Variants in PUM2 observed in about 807,000 individuals in gnomAD.
The protein encoded by PUM2 is pumilio homolog 2.
A neutral mutation model predicts 124.5 loss-of-function variants in PUM2; 57 were observed. The observed-to-expected ratio is 0.46, with a 90% confidence interval of 0.37 to 0.57. PUM2 has a LOEUF of 0.57. PUM2 is among the 20% of genes least tolerant of loss of function. PUM2 has a pLI of 0.00. For synonymous variants in PUM2, 460 were observed against 446.1 expected (o/e 1.03, Z -0.39); for missense variants, 1,065 against 1,290.6 (o/e 0.83, Z 2.68).
chr2:20,309,265 T>A (rs1010494241), intron 5 of PUM2, among the ~76,000 whole-genome samples: 1 of 152,116 alleles, frequency 6.6e-6, no homozygotes, highest in Non-Finnish European at 1.5e-5. Flanking sequence ...TGATTCCAAC[T>A]AATAAGAACA....
rs1326374511 is a variant in PUM2 at position 20,299,561 on chromosome 2, G to A, written c.884-1883C>T. On this transcript the variant is annotated intron_variant, in intron 7 of 20. Transcript: ENST00000361078. ...CACATGCCTGTAATCCCAGCTACTC[G>A]GGAGGCTGAGGCATGAGAATTGCTT... 2.6e-5 allele frequency among the ~76,000 whole-genome samples: 4 copies of A among 151,994 alleles called. 1 individual carries two copies. Among genetic ancestry groups the A allele is most frequent in the South Asian group, 4.2e-4 (2 of 4,812 alleles).
At chr2:20,350,316 G>C (rs1689070593) in intron 1 of PUM2, 2 of 313,070 alleles carry the variant, frequency 6.4e-6, no homozygotes, top group South Asian at 2.5e-4. Flanking sequence ...GGAGAACCGG[G>C]TCGGCGCCCC....
Position 20,256,053 on chromosome 2 carries a change from T to C in PUM2, c.2602A>G (p.Ile868Val). 1 of 1,574,722 alleles carries C rather than the reference T, an allele frequency of 6.4e-7. No individual in the cohort carries two copies. The highest frequency in any genetic ancestry group is 8.6e-7 in the Non-Finnish European group (1 of 1,166,542). Residue 868 changes from isoleucine to valine, a missense_variant, in exon 17 of 21, where the codon ATT (isoleucine) becomes GTT (valine). By Grantham distance (29) the Ile-to-Val change is conservative. Transcript: ENST00000361078. Reference protein sequence around the residue: ...CVQPQSLQFIIDAFKGQVFVL... With the variant: ...CVQPQSLQFIVDAFKGQVFVL... ...CATACTTGTCCCTTGAAAGCATCAA[T>C]GATGAACTGTAGTGACTGTGGCTGA...
intron 3 of PUM2, among the ~76,000 whole-genome samples, chr2:20,314,013 G>A (rs1412431881): frequency 6.6e-6 from 1 of 151,688 alleles, no homozygotes; most frequent in Non-Finnish European, 1.5e-5. Context: ...CATGGTGACG[G>A]GCACTTATAG....
Position 20,308,411 on chromosome 2 carries a change from C to A in PUM2, c.692G>T (p.Gly231Val), listed in dbSNP as rs768633137. The stretch of plus-strand genomic sequence containing the variant: ...ATAGTCAAACTGTAAGGATTCCAGA[C>A]CAACTTGTTCCATGGCATCCAGATT... ...TQNLDAMEQV[G>V]LESLQFDYPG... The change falls in exon 6 of 21, where the codon GGT (glycine) becomes GTT (valine). Residue 231 changes from glycine (G) to valine (V), a missense_variant. Physicochemically the swap from Gly to Val is moderately radical, Grantham distance 109. This residue lies in a region of PUM2 where 968 missense variants were observed against 1,159.8 expected (regional missense o/e 0.83). Coordinates refer to ENST00000361078, the MANE Select transcript of PUM2 (RefSeq NM_015317.5). 1 of 1,614,092 alleles carries A rather than the reference C, an allele frequency of 6.2e-7. No homozygotes were observed. Among genetic ancestry groups the A allele is most frequent in the Non-Finnish European group, 8.5e-7 (1 of 1,180,004 alleles).
chr2:20,323,022 G>A (rs1331242356), intron 2 of PUM2, among the ~76,000 whole-genome samples: 1 of 152,136 alleles, frequency 6.6e-6, no homozygotes, highest in African/African-American at 2.4e-5. Flanking sequence ...AAGTAGTACT[G>A]TACAGAAGTA....
At position 20,283,180 on chromosome 2, in the gene PUM2, T is replaced by A; in HGVS notation, c.1487A>T (p.Asn496Ile). Residue 496 changes from asparagine to isoleucine, a missense_variant, in exon 12 of 21, where the codon AAT (asparagine) becomes ATT (isoleucine). By Grantham distance (149) the Asn-to-Ile change is moderately radical (BLOSUM62 -3). Coordinates refer to ENST00000361078, the MANE Select transcript of PUM2 (RefSeq NM_015317.5). ...GTASSLTGST[N>I]GLFRPIGTQP... is the part of the protein sequence containing the mutation. ...AGTGCCAATTGGCCGAAACAGACCATTTGTGCTGCCTGTAAGGCTACTTGC... is the reference window on the plus strand; with the variant it reads ...AGTGCCAATTGGCCGAAACAGACCAATTGTGCTGCCTGTAAGGCTACTTGC... The A allele has an allele frequency of 6.2e-7, 1 of 1,614,120 alleles. No individual in the cohort carries two copies. Among genetic ancestry groups the A allele is most frequent in the East Asian group, 2.2e-5 (1 of 44,888 alleles).
At chr2:20,346,018 G>T (rs1688182396) in intron 1 of PUM2, among the ~76,000 whole-genome samples, 1 of 152,224 alleles carries the variant, frequency 6.6e-6, no homozygotes, top group African/African-American at 2.4e-5. Context: ...TTTAGCAAGA[G>T]CGTAGAGCAC....
chr2:20,334,614 A>G (rs981044381), intron 1 of PUM2, among the ~76,000 whole-genome samples: 1 of 152,240 alleles, frequency 6.6e-6, no homozygotes, highest in Non-Finnish European at 1.5e-5. Context: ...CCGATCATAA[A>G]ATCAATTAGT....
chr2:20,309,670 A>C (rs139121138), intron 5 of PUM2, among the ~76,000 whole-genome samples: 1 of 152,312 alleles, frequency 6.6e-6, no homozygotes, highest in African/African-American at 2.4e-5. Context: ...ATGCATTCAC[A>C]GGATATTCAA....
chr2:20,340,717 A>G (rs1662182247), intron 1 of PUM2, among the ~76,000 whole-genome samples: 3 of 152,208 alleles, frequency 2.0e-5, no homozygotes, highest in Admixed American at 2.0e-4. Flanking sequence ...ACATCACCAT[A>G]TGGCTAAGGA....
At chr2:20,273,802 T>C (rs1162773278) in intron 13 of PUM2, among the ~76,000 whole-genome samples, 1 of 152,128 alleles carries the variant, frequency 6.6e-6, no homozygotes, top group Admixed American at 6.5e-5. Flanking sequence ...TTATTACAAA[T>C]AAGAAGTACA....
chr2:20,249,420 C>T lies in PUM2; in HGVS notation c.*2165G>A, dbSNP rs900443861. On this transcript the variant is annotated 3_prime_UTR_variant, in exon 21 of 21. Coordinates refer to ENST00000361078, the MANE Select transcript of PUM2 (RefSeq NM_015317.5). The stretch of plus-strand genomic sequence containing the variant: ...ATGAAACAAACACAAGGCGTTGCTG[C>T]AGTGACTGGGACATGCTGATGACCC... The T allele has an allele frequency of 6.6e-6, 1 of 152,624 alleles. No individual in the cohort carries two copies. The highest frequency in any genetic ancestry group is 1.5e-5 in the Non-Finnish European group (1 of 68,036). The allele number at this position is 152,624 out of a possible 1,614,324, so 9.5% of individuals were successfully genotyped here.
At chr2:20,330,367 T>C (rs1042157867) in intron 1 of PUM2, among the ~76,000 whole-genome samples, 1 of 152,248 alleles carries the variant, frequency 6.6e-6, no homozygotes, top group African/African-American at 2.4e-5. Context: ...ATGAGCTGAC[T>C]GACTGGGGGC....
At chr2:20,285,976 G>C (rs1672623213) in intron 10 of PUM2, among the ~76,000 whole-genome samples, 1 of 152,028 alleles carries the variant, frequency 6.6e-6, no homozygotes, top group South Asian at 2.1e-4. Flanking sequence ...CTGTAGGAAG[G>C]CATCTCCAAA....
intron 14 of PUM2, among the ~76,000 whole-genome samples, chr2:20,260,729 A>AC (rs1328640502): frequency 3.3e-5 from 5 of 152,312 alleles, no homozygotes; most frequent in African/African-American, 1.2e-4. Flanking sequence ...TCAATAAGAA[A>AC]ATTACGTAAA....
chr2:20,330,762 G>A (rs893653513), intron 1 of PUM2, among the ~76,000 whole-genome samples: 1 of 152,238 alleles, frequency 6.6e-6, no homozygotes, highest in Admixed American at 6.5e-5. Context: ...CTGATTTACA[G>A]CTGGTCAGTG....
At position 20,322,926 on chromosome 2, in the gene PUM2, T is replaced by A. The variant is rs528521456; in HGVS notation, c.52-4281A>T. On this transcript the variant is annotated intron_variant, in intron 2 of 20. Coordinates refer to ENST00000361078, the MANE Select transcript of PUM2 (RefSeq NM_015317.5). The stretch of plus-strand genomic sequence containing the variant: ...TGCTTTTCCAGACTTTAATCTTTTC[T>A]GTTAATGAAAGATATTAACACTTTC... Among the ~76,000 whole-genome samples the A allele has an allele frequency of 1.1e-3, 165 of 152,350 alleles. 2 individuals are homozygous for A. In the South Asian group the frequency reaches 0.014, roughly 13 times the overall value.
At chr2:20,255,951 G>C in intron 17 of PUM2, 82 bp downstream of exon 17, 1 of 1,338,426 alleles carries the variant, frequency 7.5e-7, no homozygotes, top group Non-Finnish European at 9.9e-7. Flanking sequence ...GTATTATCTA[G>C]TGACTCATGA....
Sources: gnomAD v4.1 joint callset for allele counts (sites outside exome capture counted in the v4.1 genomes callset) on GRCh38, gnomAD v4.1.1 for gene constraint, gnomAD v4.1.1 regional missense constraint, MANE v1.5 for transcripts, NCBI Gene and HGNC (gene_info 2026-07-23, HGNC 2026-07-21) for gene names.